UNC80: variants seen among roughly 807,000 people sequenced by gnomAD.
The protein encoded by UNC80 is unc-80 subunit of NALCN channel complex.
UNC80 carries 164 observed loss-of-function variants against 384.6 expected under a neutral mutation model. That is an observed-to-expected ratio of 0.43 (90% CI 0.38 to 0.49). The LOEUF is 0.49. Among genes scored for constraint, UNC80 ranks in the 20% least tolerant of loss-of-function variants. The pLI is 0.00. For missense variants in UNC80, 3,330 were observed against 4,143.0 expected (o/e 0.80, Z 5.39); for synonymous variants, 1,486 against 1,527.8 (o/e 0.97, Z 0.64).
At chr2:209,858,670 G>A (rs73003325) in intron 22 of UNC80, among the ~76,000 whole-genome samples, 24 of 149,874 alleles carry the variant, frequency 1.6e-4, no homozygotes, top group Non-Finnish European at 3.1e-4. Context: ...CCCTGGTCTC[G>A]GCCACAGAAT....
Position 209,935,792 on chromosome 2 carries a change from T to C in UNC80, c.6257T>C (p.Phe2086Ser), listed in dbSNP as rs2091202936. 6.5e-7 allele frequency: 1 copy of C among 1,540,394 alleles called. No individual in the cohort carries two copies. Among genetic ancestry groups the C allele is most frequent in the African/African-American group, 1.4e-5 (1 of 72,326 alleles). ...TQLPVHEDTQ[F>S]EALLKECLEF... ...TTACCAGTCCATGAAGACACTCAAT[T>C]TGAAGCCCTGTTGAAGGTAGGAATG... The change falls in exon 40 of 65, where the codon TTT becomes TCT. Residue 2086 changes from phenylalanine to serine, a missense_variant. Transcript: ENST00000673920.
At chr2:209,869,247 A>G (rs1344949127) in intron 22 of UNC80, 1 of 152,188 alleles carries the variant, frequency 6.6e-6, no homozygotes, top group African/African-American at 2.4e-5. Flanking sequence ...AAGCTCCATC[A>G]AAAGAGGGAA....
intron 47 of UNC80, among the ~76,000 whole-genome samples, chr2:209,946,434 C>T (rs1203827351): frequency 6.6e-6 from 1 of 151,550 alleles, no homozygotes; most frequent in Non-Finnish European, 1.5e-5. Flanking sequence ...GGAAACATAG[C>T]ATAGGTTCTG....
intron 26 of UNC80, among the ~76,000 whole-genome samples, chr2:209,893,897 A>G (rs2124915233): frequency 6.6e-6 from 1 of 152,278 alleles, no homozygotes; most frequent in South Asian, 2.1e-4. Context: ...ATGCTGCCCC[A>G]AAAGCACACT....
At chr2:209,834,290 C>G in intron 17 of UNC80, 122 bp downstream of exon 17, 2 of 1,110,694 alleles carry the variant, frequency 1.8e-6, no homozygotes, top group Non-Finnish European at 2.5e-6. Context: ...AATTATCTTG[C>G]GTAAGTGGTT....
At chr2:209,967,139 A>C (rs1265054388) in intron 51 of UNC80, among the ~76,000 whole-genome samples, 2 of 152,130 alleles carry the variant, frequency 1.3e-5, no homozygotes, top group African/African-American at 4.8e-5. Context: ...CTCAGAAATG[A>C]CATTCTCTAA....
intron 23 of UNC80, among the ~76,000 whole-genome samples, chr2:209,876,488 A>T (rs552121600): frequency 3.3e-5 from 5 of 152,328 alleles, no homozygotes; most frequent in African/African-American, 9.6e-5. Flanking sequence ...ATATAGTATT[A>T]CACCAGACAA....
intron 28 of UNC80, among the ~76,000 whole-genome samples, chr2:209,902,751 T>C (rs769165352): frequency 6.6e-6 from 1 of 152,222 alleles, no homozygotes; most frequent in East Asian, 1.9e-4. Context: ...CATGATGTTA[T>C]TGCACACCTA....
chr2:209,869,213 A>C (rs1574822844), intron 22 of UNC80: 1 of 152,226 alleles, frequency 6.6e-6, no homozygotes, highest in South Asian at 2.1e-4. Context: ...CTGCTTCTTC[A>C]GATTGCACTG....
rs111680068 is a variant in UNC80, at chr2:209,915,381, G to T, written c.5029+1441G>T. ...GATTGTGCCACTGCACTCCAGCCTG[G>T]GCGACAGAGTGAGACTCTGTCTCAA... On this transcript the variant is annotated intron_variant, in intron 31 of 64. Coordinates refer to ENST00000673920, the MANE Select transcript of UNC80 (RefSeq NM_001371986.1). 1.8e-3 allele frequency among the ~76,000 whole-genome samples: 266 copies of T among 149,364 alleles called. 1 individual carries two copies. The highest frequency in any genetic ancestry group is 6.4e-3 in the African/African-American group (256 of 40,206).
chr2:209,884,513 T>A (rs1199164418), intron 25 of UNC80, among the ~76,000 whole-genome samples: 3 of 152,142 alleles, frequency 2.0e-5, no homozygotes, highest in Non-Finnish European at 2.9e-5. Context: ...AAAATTGAAA[T>A]AGGACCCTTT....
rs1575266601 is a variant in UNC80, at chr2:209,995,748, C to T, written c.*153C>T. On this transcript the variant is annotated 3_prime_UTR_variant, in exon 65 of 65. Transcript: ENST00000673920. ...ATCTGAATAGGTTTTGCTGCCAATACACATGATGTTTCATAAACATCTTAA... is the reference window on the plus strand; with the variant it reads ...ATCTGAATAGGTTTTGCTGCCAATATACATGATGTTTCATAAACATCTTAA... 2 of 846,656 alleles carry T rather than the reference C, an allele frequency of 2.4e-6. No homozygotes were observed. Among genetic ancestry groups the T allele is most frequent in the African/African-American group, 1.7e-5 (1 of 58,352 alleles). 52.4% of individuals were successfully genotyped at this position (846,656 alleles called of 1,614,324 possible). A position where few individuals can be genotyped will look rare whatever the true frequency, so the allele number is the denominator to read the frequency against.
In UNC80 at chr2:209,906,515, G is replaced by A. The variant is rs541437876; in HGVS notation, c.4782+1550G>A. ...TTTTACAGGTTTTTCAACTGTGGGG[G>A]CTCAGAAAGTTGAGATTATCCACAC... On this transcript the variant is annotated intron_variant, in intron 29 of 64. Coordinates refer to ENST00000673920, the MANE Select transcript of UNC80 (RefSeq NM_001371986.1). Among the ~76,000 whole-genome samples, 3 of 152,164 alleles carry A rather than the reference G, an allele frequency of 2.0e-5. No homozygotes were observed. In the East Asian group the frequency reaches 5.8e-4, roughly 29 times the overall value.
At chr2:209,932,331 G>T (rs1284977586) in intron 38 of UNC80, among the ~76,000 whole-genome samples, 1 of 152,114 alleles carries the variant, frequency 6.6e-6, no homozygotes, top group African/African-American at 2.4e-5. Flanking sequence ...ACTACTTCTG[G>T]GTTCTGTCTA....
intron 23 of UNC80, among the ~76,000 whole-genome samples, chr2:209,874,783 A>C (rs2124885787): frequency 6.6e-6 from 1 of 152,274 alleles, no homozygotes; most frequent in African/African-American, 2.4e-5. Context: ...CAGATCCCAG[A>C]CCTACATTGC....
At chr2:209,773,232 A>C in intron 2 of UNC80, 90 bp downstream of exon 2, 2 of 1,095,808 alleles carry the variant, frequency 1.8e-6, no homozygotes, top group Non-Finnish European at 2.7e-6. Context: ...CGGACTATAT[A>C]TATTAATTCA....
Position 209,976,086 on chromosome 2 carries a change from G to T in UNC80, c.8588-33G>T, listed in dbSNP as rs1288816379. ...TTGGGTTCCTCGGAAGCACACGTCC[G>T]CAGGCTCATTTTTCTCTTTTCCCGG... On this transcript the variant is annotated intron_variant, in intron 56 of 64. Transcript: ENST00000673920. The surrounding 1 kb of genome is among the most constrained non-coding windows in gnomAD (Gnocchi z 4.3). The T allele has an allele frequency of 6.5e-7, 1 of 1,534,224 alleles. No individual in the cohort carries two copies. The highest frequency in any genetic ancestry group is 8.8e-7 in the Non-Finnish European group (1 of 1,139,458).
At position 209,967,481 on chromosome 2, in the gene UNC80, A is replaced by C; in HGVS notation, c.7850A>C (p.Asp2617Ala). Residue 2617 changes from aspartate (D) to alanine (A), a missense_variant, in exon 52 of 65, where the codon GAC (aspartate) becomes GCC (alanine). Asp to Ala is a moderately radical substitution (Grantham distance 126). Transcript: ENST00000673920. ...AHSLLKLAPY[D>A]TQTMESRGLR... ...TCCCTTCTGAAGCTGGCACCATATG[A>C]CACTCAGACAATGGAGAGTCGTGGG... is the stretch of plus-strand genomic sequence containing the variant. 1 of 1,551,558 alleles carries C rather than the reference A, an allele frequency of 6.4e-7. No individual in the cohort carries two copies. The highest frequency in any genetic ancestry group is 8.7e-7 in the Non-Finnish European group (1 of 1,146,972).
At chr2:209,926,744 C>A in intron 35 of UNC80, 99 bp from the exon 36 acceptor site, 1 of 1,443,158 alleles carries the variant, frequency 6.9e-7, no homozygotes, top group East Asian at 2.5e-5. Flanking sequence ...CCACTGTACT[C>A]CAGCCTGGGT....
Sources: gnomAD v4.1 joint callset for allele counts (sites outside exome capture counted in the v4.1 genomes callset) on GRCh38, gnomAD v4.1.1 for gene constraint, Gnocchi (gnomAD v3.1) non-coding constraint, MANE v1.5 for transcripts, NCBI Gene and HGNC (gene_info 2026-07-23, HGNC 2026-07-21) for gene names.